Variants in SVIL observed in about 807,000 individuals in gnomAD.
SVIL encodes supervillin.
In SVIL, 101 loss-of-function variants were observed where a neutral mutation model predicts 240.4. The ratio of observed to expected loss-of-function variants is 0.42; its 90% CI spans 0.36 to 0.50. The LOEUF (loss-of-function observed/expected upper bound fraction) is 0.50, where lower values mean the gene tolerates loss of function less well. Among genes scored for constraint, SVIL ranks in the 20% least tolerant of loss-of-function variants. The pLI is 0.01. For synonymous variants in SVIL, 999 were observed against 1,100.0 expected, an observed-to-expected ratio of 0.91 and a Z score of 1.82; for missense variants, 2,512 against 2,818.7, an observed-to-expected ratio of 0.89 and a Z score of 2.46.
At chr10:29,705,950 G>A (rs1013747176) in intron 1 of SVIL, among the ~76,000 whole-genome samples, 3 of 152,152 alleles carry the variant, frequency 2.0e-5, no homozygotes, top group Non-Finnish European at 4.4e-5. Context: ...ATGAACATAT[G>A]TGTGCATGTT....
At chr10:29,491,551 T>G (rs1947959449) in intron 21 of SVIL, among the ~76,000 whole-genome samples, 1 of 152,188 alleles carries the variant, frequency 6.6e-6, no homozygotes, top group South Asian at 2.1e-4. Flanking sequence ...CTGCCTCCTC[T>G]GAAAAATAAC....
intron 3 of SVIL, among the ~76,000 whole-genome samples, chr10:29,645,601 G>T (rs187341918): frequency 1.3e-5 from 2 of 151,884 alleles, no homozygotes; most frequent in Admixed American, 1.3e-4. Flanking sequence ...GGAATAAAGC[G>T]CTCCAAGCGA....
At chr10:29,681,697 G>A (rs1036808097) in intron 2 of SVIL, among the ~76,000 whole-genome samples, 1 of 152,008 alleles carries the variant, frequency 6.6e-6, no homozygotes. Context: ...ATTCCCTCTG[G>A]GCACCAGTTA....
rs138539716 is a variant in SVIL, at chr10:29,533,429, T to G, written c.938A>C (p.Glu313Ala). The G allele has an allele frequency of 2.5e-6, 4 of 1,613,166 alleles. No individual in the cohort carries two copies. Among genetic ancestry groups the G allele is most frequent in the Non-Finnish European group, 3.4e-6 (4 of 1,179,426 alleles). The change falls in exon 8 of 38, where the codon GAG becomes GCG. Residue 313 changes from glutamate (E) to alanine (A), a missense_variant. By Grantham distance (107) the Glu-to-Ala change is moderately radical (BLOSUM62 -1). Coordinates refer to ENST00000355867, the MANE Select transcript of SVIL (RefSeq NM_021738.3). ...RVKVREKLVK[E>A]ESARNSPELA... ...TTCAGGGCTGTTTCGAGCACTTTCCTCTTTCACCAATTTTTCTCTAACTTT... is the reference window on the plus strand; with the variant it reads ...TTCAGGGCTGTTTCGAGCACTTTCCGCTTTCACCAATTTTTCTCTAACTTT...
intron 1 of SVIL, among the ~76,000 whole-genome samples, chr10:29,712,844 A>C (rs759978202): frequency 1.3e-5 from 2 of 152,234 alleles, no homozygotes; most frequent in African/African-American, 2.4e-5. Context: ...TAGGTAGGAA[A>C]TAAATGCAAC....
chr10:29,682,227 C>T (rs914998473), intron 2 of SVIL, among the ~76,000 whole-genome samples: 31 of 152,196 alleles, frequency 2.0e-4, no homozygotes, highest in African/African-American at 6.5e-4. Flanking sequence ...ACGCCCCCTC[C>T]TCAGCCCTTT....
chr10:29,525,516 A>G (rs540286263), intron 13 of SVIL, among the ~76,000 whole-genome samples: 1 of 152,324 alleles, frequency 6.6e-6, no homozygotes, highest in Non-Finnish European at 1.5e-5. Context: ...CAGGAGGCTG[A>G]GGTGGGAGGA....
At position 29,555,145 on chromosome 10, in the gene SVIL, T is replaced by C. The variant is rs372861132; in HGVS notation, c.-50-37A>G. On this transcript the variant is annotated intron_variant, in intron 3 of 37. Coordinates refer to ENST00000355867, the MANE Select transcript of SVIL (RefSeq NM_021738.3). ...CCAAAAAAGAACAAAATATAGTATT[T>C]AGTAGTCGTGCGCTCATTTTATTCA... 514 of 1,555,558 alleles carry C rather than the reference T, an allele frequency of 3.3e-4. 1 individual carries two copies. In the African/African-American group the frequency reaches 6.6e-3, roughly 20 times the overall value.
intron 1 of SVIL, among the ~76,000 whole-genome samples, chr10:29,688,621 A>T (rs1961272170): frequency 6.6e-6 from 1 of 152,180 alleles, no homozygotes; most frequent in Non-Finnish European, 1.5e-5. Flanking sequence ...ACTGAAATGC[A>T]CACAGAACTG....
At chr10:29,539,884 C>G (rs946597348) in intron 6 of SVIL, among the ~76,000 whole-genome samples, 1 of 152,100 alleles carries the variant, frequency 6.6e-6, no homozygotes, top group African/African-American at 2.4e-5. Flanking sequence ...GTTGCCTTGG[C>G]CAAAAAATTG....
intron 2 of SVIL, among the ~76,000 whole-genome samples, chr10:29,567,812 C>T (rs561685807): frequency 3.8e-3 from 579 of 152,090 alleles, no homozygotes; most frequent in Middle Eastern, 0.02. Context: ...GTCAGGAGAT[C>T]GAGACCATCC....
intron 3 of SVIL, among the ~76,000 whole-genome samples, chr10:29,556,090 G>A (rs1227666960): frequency 1.3e-5 from 2 of 152,230 alleles, no homozygotes; most frequent in African/African-American, 4.8e-5. Context: ...CTGTGCTGAG[G>A]TTGGGAGATT....
chr10:29,461,845 T>G (rs549552737), intron 36 of SVIL, among the ~76,000 whole-genome samples: 1 of 152,216 alleles, frequency 6.6e-6, no homozygotes, highest in Non-Finnish European at 1.5e-5. Context: ...TTCAGTTTTC[T>G]GAACATACTA....
intron 1 of SVIL, among the ~76,000 whole-genome samples, chr10:29,716,304 T>C (rs1436210236): frequency 6.6e-6 from 1 of 152,216 alleles, no homozygotes; most frequent in Non-Finnish European, 1.5e-5. Flanking sequence ...CTCTAGTTTA[T>C]AAAATAAATA....
chr10:29,736,268 C>T (rs781466695), upstream of SVIL, among the ~76,000 whole-genome samples: 1 of 152,222 alleles, frequency 6.6e-6, no homozygotes, highest in Admixed American at 6.5e-5. Context: ...GGCATAAGCA[C>T]GTCCTATCTT....
At chr10:29,612,558 C>A (rs1458705024) in intron 1 of SVIL, among the ~76,000 whole-genome samples, 1 of 152,088 alleles carries the variant, frequency 6.6e-6, no homozygotes, top group African/African-American at 2.4e-5. Flanking sequence ...GCCAAATATG[C>A]TTAAGTTCAA....
intron 32 of SVIL, 97 bp downstream of exon 32, chr10:29,470,179 C>T (rs1945394765): frequency 1.4e-6 from 2 of 1,410,120 alleles, no homozygotes; most frequent in Non-Finnish European, 2.0e-6. Context: ...ACTTTCAGCA[C>T]CCTGGGATCT....
rs377535058 is a variant in SVIL, at chr10:29,523,570, G to A, written c.3044C>T (p.Pro1015Leu). ...NPPITHLGDE[P>L]KEFSMAKMNA... ...CATTTTAGCCATGGAAAATTCCTTC[G>A]GTTCATCCCCGAGGTGGGTGATGGG... Residue 1015 changes from proline to leucine, a missense_variant, in exon 15 of 38, where the codon CCG becomes CTG. Pro to Leu is a moderately conservative substitution (Grantham distance 98). This residue lies in a region of SVIL where 1,443 missense variants were observed against 1,486.6 expected (regional missense o/e 0.97). Transcript: ENST00000355867. 2.0e-5 allele frequency: 33 copies of A among 1,613,964 alleles called. No individual in the cohort carries two copies. The highest frequency in any genetic ancestry group is 8.3e-5 in the Admixed American group (5 of 59,994).
Position 29,514,894 on chromosome 10 carries a change from A to G in SVIL, c.3390-2033T>C, listed in dbSNP as rs1950107590. On this transcript the variant is annotated intron_variant, in intron 16 of 37. Coordinates refer to ENST00000355867, the MANE Select transcript of SVIL (RefSeq NM_021738.3). The stretch of plus-strand genomic sequence containing the variant: ...TAAAAGTTTTGTTATGCTAATAAGA[A>G]AACAAATTTTGTAGTACTTAAACAA... Among the ~76,000 whole-genome samples, 5 of 152,248 alleles carry G rather than the reference A, an allele frequency of 3.3e-5. No individual in the cohort carries two copies. In the South Asian group the frequency reaches 1.0e-3, roughly 31 times the overall value.
Sources: gnomAD v4.1 joint callset for allele counts (sites outside exome capture counted in the v4.1 genomes callset) on GRCh38, gnomAD v4.1.1 for gene constraint, gnomAD v4.1.1 regional missense constraint, MANE v1.5 for transcripts, NCBI Gene and HGNC (gene_info 2026-07-23, HGNC 2026-07-21) for gene names.